The following UBE3D variants were observed in gnomAD, a reference collection of about 807,000 sequenced individuals.
UBE3D encodes the protein ubiquitin protein ligase E3D, also known as E3 ubiquitin-protein ligase E3D.
In UBE3D, 48 loss-of-function variants were observed where a neutral mutation model predicts 49.6. The ratio of observed to expected loss-of-function variants is 0.97; its 90% CI spans 0.77 to 1.23. The LOEUF is 1.23. UBE3D is among the 50% of genes most tolerant of loss of function. The pLI is 0.00. For missense variants in UBE3D, 452 were observed against 468.4 expected, an observed-to-expected ratio of 0.96 and a Z score of 0.32; for synonymous variants, 189 against 174.2, an observed-to-expected ratio of 1.08 and a Z score of -0.67.
chr6:83,005,842 G>C (rs775593999), intron 8 of UBE3D, among the ~76,000 whole-genome samples: 1 of 152,104 alleles, frequency 6.6e-6, no homozygotes, highest in East Asian at 1.9e-4. Flanking sequence ...ACTACTATGT[G>C]AATAAAACTT....
chr6:83,040,916 T>G (rs1008461199), intron 4 of UBE3D, among the ~76,000 whole-genome samples: 1 of 152,160 alleles, frequency 6.6e-6, no homozygotes, highest in Non-Finnish European at 1.5e-5. Context: ...AGGTGCCAAT[T>G]TATTCAGGTC....
At chr6:83,039,395 T>C (rs890414929) in intron 4 of UBE3D, among the ~76,000 whole-genome samples, 1 of 152,240 alleles carries the variant, frequency 6.6e-6, no homozygotes, top group Admixed American at 6.5e-5. Context: ...TTAATATACA[T>C]TTAAGTATTT....
At chr6:83,029,319 T>A (rs1203731214) in intron 5 of UBE3D, among the ~76,000 whole-genome samples, 1 of 152,202 alleles carries the variant, frequency 6.6e-6, no homozygotes, top group Non-Finnish European at 1.5e-5. Context: ...TTTGTTTGGT[T>A]AATTTGGATT....
At chr6:83,016,688 T>C (rs1056581138) in intron 8 of UBE3D, among the ~76,000 whole-genome samples, 13 of 151,194 alleles carry the variant, frequency 8.6e-5, no homozygotes. Context: ...TATATAAATA[T>C]ATAAATCTTC....
intron 9 of UBE3D, among the ~76,000 whole-genome samples, chr6:82,937,615 T>C (rs945449620): frequency 2.0e-5 from 3 of 152,090 alleles, no homozygotes; most frequent in East Asian, 3.9e-4. Flanking sequence ...ACTATACTTA[T>C]AAGTAAAATA....
intron 6 of UBE3D, among the ~76,000 whole-genome samples, chr6:83,023,536 T>C (rs1030416165): frequency 1.3e-5 from 2 of 152,216 alleles, no homozygotes; most frequent in African/African-American, 2.4e-5. Flanking sequence ...ATATATGCCA[T>C]GGAATACTAC....
intron 9 of UBE3D, among the ~76,000 whole-genome samples, chr6:82,923,198 C>T (rs1280576958): frequency 2.0e-5 from 3 of 152,180 alleles, no homozygotes; most frequent in African/African-American, 7.2e-5. Flanking sequence ...ACCCAGCAAT[C>T]CCATTACTGG....
rs1410747282 is a variant in UBE3D, at chr6:82,900,420, C to T, written c.1150-7378G>A. On this transcript the variant is annotated intron_variant, in intron 9 of 9. Transcript: ENST00000369747. ...GTACAACTGGAAATCCTAGGAGGGG[C>T]CATGAACCCCTATATTGTGGAACAA... Among the ~76,000 whole-genome samples, 3 of 152,040 alleles carry T rather than the reference C, an allele frequency of 2.0e-5. 1 individual carries two copies. The highest frequency in any genetic ancestry group is 6.5e-5 in the Admixed American group (1 of 15,270).
intron 8 of UBE3D, among the ~76,000 whole-genome samples, chr6:82,958,155 T>C (rs77449736): frequency 0.011 from 1,696 of 152,226 alleles, 15 homozygotes; most frequent in Non-Finnish European, 0.019. Context: ...GGGATCTGTC[T>C]GAGATGAGGC....
At chr6:82,939,304 T>G (rs1774829608) in intron 9 of UBE3D, among the ~76,000 whole-genome samples, 1 of 152,188 alleles carries the variant, frequency 6.6e-6, no homozygotes, top group South Asian at 2.1e-4. Context: ...TGGTTCAATT[T>G]TAAGATTCTA....
At chr6:83,041,680 C>G (rs1309879239) in intron 4 of UBE3D, among the ~76,000 whole-genome samples, 2 of 151,916 alleles carry the variant, frequency 1.3e-5, no homozygotes, top group East Asian at 3.9e-4. Flanking sequence ...ACACATTTTT[C>G]TAAGAAAACA....
At chr6:83,003,117 T>C (rs2127748398) in intron 8 of UBE3D, among the ~76,000 whole-genome samples, 1 of 152,288 alleles carries the variant, frequency 6.6e-6, no homozygotes, top group South Asian at 2.1e-4. Context: ...AACTTAGACC[T>C]TTCTCATATG....
chr6:82,973,426 G>A (rs1777490779), intron 8 of UBE3D, among the ~76,000 whole-genome samples: 1 of 152,152 alleles, frequency 6.6e-6, no homozygotes, highest in South Asian at 2.1e-4. Context: ...TCCCCGAAGA[G>A]CACCTTGAGT....
At chr6:82,988,308 G>C (rs1368790669) in intron 8 of UBE3D, among the ~76,000 whole-genome samples, 3 of 152,070 alleles carry the variant, frequency 2.0e-5, no homozygotes, top group African/African-American at 7.2e-5. Context: ...ATGGGAGTAA[G>C]AAAATTGATT....
At chr6:82,925,464 T>A (rs1391500095) in intron 9 of UBE3D, among the ~76,000 whole-genome samples, 1 of 152,148 alleles carries the variant, frequency 6.6e-6, no homozygotes, top group Non-Finnish European at 1.5e-5. Flanking sequence ...TGAGACTCTA[T>A]GATTAGACAC....
intron 8 of UBE3D, among the ~76,000 whole-genome samples, chr6:82,986,895 T>A (rs1414785969): frequency 6.6e-6 from 1 of 150,570 alleles, no homozygotes; most frequent in Non-Finnish European, 1.5e-5. Context: ...TATACATATG[T>A]ATAATAGCTT....
intron 8 of UBE3D, among the ~76,000 whole-genome samples, chr6:83,000,500 A>G (rs1779547079): frequency 6.6e-6 from 1 of 152,206 alleles, no homozygotes; most frequent in Non-Finnish European, 1.5e-5. Context: ...CTCTTAGGCT[A>G]CTGCAATAGC....
intron 5 of UBE3D, among the ~76,000 whole-genome samples, chr6:83,025,918 A>G (rs1449110557): frequency 1.3e-5 from 2 of 148,162 alleles, no homozygotes; most frequent in Non-Finnish European, 3.0e-5. Context: ...AAAATTGTGT[A>G]TGTATTGTGG....
At chr6:83,050,611 G>A (rs1016790298) in intron 3 of UBE3D, among the ~76,000 whole-genome samples, 3 of 152,120 alleles carry the variant, frequency 2.0e-5, no homozygotes, top group Non-Finnish European at 2.9e-5. Context: ...AAAACCTTTG[G>A]TCTTGTTTTC....
Sources: allele counts gnomAD v4.1 joint callset (sites outside exome capture counted in the v4.1 genomes callset), GRCh38; gene constraint gnomAD v4.1.1; transcripts MANE v1.5; gene names NCBI Gene and HGNC (gene_info 2026-07-23, HGNC 2026-07-21).